The following PATL1 variants were observed in gnomAD, a reference collection of about 807,000 sequenced individuals.
The protein encoded by PATL1 is protein PAT1 homolog 1.
In PATL1, 32 loss-of-function variants were observed where a neutral mutation model predicts 100.6. The observed-to-expected ratio is 0.32, with a 90% CI of 0.24 to 0.43. PATL1 has a LOEUF of 0.43. Ranked by LOEUF, PATL1 falls within the 20% of genes least tolerant of loss-of-function variation. The pLI is 1.00. For synonymous variants in PATL1, 332 were observed against 330.0 expected, an observed-to-expected ratio of 1.01 and a Z score of -0.07; for missense variants, 747 against 949.9, an observed-to-expected ratio of 0.79 and a Z score of 2.81.
chr11:59,650,630 C>A, intron 13 of PATL1, 124 bp downstream of exon 13: 2 of 652,644 alleles, frequency 3.1e-6, no homozygotes. Flanking sequence ...CACTTACCAG[C>A]AATATATTCA....
At position 59,655,735 on chromosome 11, in the gene PATL1, C is replaced by T. The variant is rs1173156744; in HGVS notation, c.819G>A (p.Gln273=). The part of the protein sequence containing the change: ...RAQLLGGAQL[Q]PGRMSPSQFA... ...ACTGGCTGGGAGACATCCGTCCAGG[C>T]TGTAGCTACAAAGAGGAAGAAGATC... Residue 273 remains glutamine, a synonymous_variant, in exon 8 of 19, where the codon CAG becomes CAA. Transcript: ENST00000300146. The T allele has an allele frequency of 1.9e-6, 3 of 1,588,478 alleles. No homozygotes were observed. Among genetic ancestry groups the T allele is most frequent in the African/African-American group, 2.7e-5 (2 of 74,392 alleles).
At position 59,638,083 on chromosome 11, in the gene PATL1, G is replaced by C; in HGVS notation, c.*307C>G. On this transcript the variant is annotated 3_prime_UTR_variant, in exon 19 of 19. Coordinates refer to ENST00000300146, the MANE Select transcript of PATL1 (RefSeq NM_152716.3). ...TGAGGTGGAGTAGTGGAGGGATAAA[G>C]GGAGAGATTACACTTGTGTCTCTAG... 2.5e-6 allele frequency: 1 copy of C among 398,006 alleles called. No individual in the cohort carries two copies. Among genetic ancestry groups the C allele is most frequent in the Non-Finnish European group, 4.6e-6 (1 of 215,396 alleles). 24.7% of individuals were successfully genotyped at this position (398,006 alleles called of 1,614,324 possible).
rs989165561 is a variant in PATL1, at chr11:59,649,453, G to A, written c.1733+9C>T. The A allele has an allele frequency of 7.4e-6, 12 of 1,612,264 alleles. No individual in the cohort carries two copies. The highest frequency in any genetic ancestry group is 2.2e-5 in the East Asian group (1 of 44,872). ...AGTTAATGTTTTCCTCAAACTGCAC[G>A]ATGCTTACCTCTCTTGTCCAGGCAA... On this transcript the variant is annotated intron_variant, in intron 14 of 18. Coordinates refer to ENST00000300146, the MANE Select transcript of PATL1 (RefSeq NM_152716.3).
chr11:59,643,763 AAAT>A (rs1313496995), intron 15 of PATL1, among the ~76,000 whole-genome samples: 2 of 152,172 alleles, frequency 1.3e-5, no homozygotes, highest in Non-Finnish European at 2.9e-5. Context: ...GGAAGAAAAG[AAAT>A]AATTAGCCAA....
chr11:59,667,948 C>T (rs1169273648), intron 1 of PATL1, among the ~76,000 whole-genome samples: 1 of 152,120 alleles, frequency 6.6e-6, no homozygotes, highest in Non-Finnish European at 1.5e-5. Context: ...TGTGATACAC[C>T]TTGCCTGGCT....
intron 15 of PATL1, among the ~76,000 whole-genome samples, chr11:59,645,314 T>G (rs60376847): frequency 7.4e-3 from 3 of 408 alleles, no homozygotes; most frequent in African/African-American, 0.028. Flanking sequence ...CCAGACGGGG[T>G]GGTGGCAGGG....
At chr11:59,655,208 C>T (rs1861510369) in intron 8 of PATL1, among the ~76,000 whole-genome samples, 1 of 152,174 alleles carries the variant, frequency 6.6e-6, no homozygotes, top group Non-Finnish European at 1.5e-5. Context: ...TAATAAAACA[C>T]AACTTCACTG....
At chr11:59,644,341 CA>C (rs1861330908) in intron 15 of PATL1, among the ~76,000 whole-genome samples, 1 of 151,420 alleles carries the variant, frequency 6.6e-6, no homozygotes, top group African/African-American at 2.5e-5. Context: ...GACCATTTCT[CA>C]GGAAAGAATT....
chr11:59,662,449 C>T (rs574631677), intron 2 of PATL1, among the ~76,000 whole-genome samples: 2 of 152,172 alleles, frequency 1.3e-5, no homozygotes, highest in Non-Finnish European at 2.9e-5. Flanking sequence ...CTCTGATAAG[C>T]CTATCCTGAT....
At chr11:59,668,769 TC>T in intron 1 of PATL1, 111 bp downstream of exon 1, 5 of 553,392 alleles carry the variant, frequency 9.0e-6, no homozygotes, top group Admixed American at 6.0e-5. Context: ...GTCCTGCGAC[TC>T]CCCCAGCCCG....
intron 15 of PATL1, among the ~76,000 whole-genome samples, chr11:59,646,080 T>C (rs1861360182): frequency 6.6e-6 from 1 of 152,210 alleles, no homozygotes; most frequent in Non-Finnish European, 1.5e-5. Flanking sequence ...AAATAATGCC[T>C]GGCACATAGA....
rs1173366401 is a variant in PATL1, at chr11:59,656,517, G to C, written c.705C>G (p.Asn235Lys). Reference sequence around the variant, plus strand: ...GACATACCGGGACACTGCAGAGCTGGTTTGGAGACATCCTCTCACCATAGG... The same window carrying C: ...GACATACCGGGACACTGCAGAGCTGCTTTGGAGACATCCTCTCACCATAGG... ...PAPYGERMSPNQLCSVPNSSL... is the reference protein window; with the variant it reads ...PAPYGERMSPKQLCSVPNSSL... Residue 235 changes from asparagine (N) to lysine (K), a missense_variant, in exon 6 of 19, where the codon AAC (asparagine) becomes AAG (lysine). Around this residue, in one of 4 missense-constraint regions of PATL1, gnomAD observed 127 missense variants for 116.0 expected, o/e 1.09. Transcript: ENST00000300146. 4.3e-6 allele frequency: 7 copies of C among 1,613,884 alleles called. No homozygotes were observed. Among genetic ancestry groups the C allele is most frequent in the Non-Finnish European group, 4.2e-6 (5 of 1,179,790 alleles).
Position 59,668,943 on chromosome 11 carries a change from G to T in PATL1, c.-48C>A. 2.6e-6 allele frequency: 1 copy of T among 377,846 alleles called. No homozygotes were observed. The allele number at this position is 377,846 out of a possible 1,614,324, so 23.4% of individuals were successfully genotyped here. The stretch of plus-strand genomic sequence containing the variant: ...CGGGGAGGGGAGAGGGGGAGGGAGG[G>T]AAGAAGCGCTGACTCCCCGGCTCCT... On this transcript the variant is annotated 5_prime_UTR_variant, in exon 1 of 19. Coordinates refer to ENST00000300146, the MANE Select transcript of PATL1 (RefSeq NM_152716.3).
At chr11:59,639,996 T>G (rs1050110656) in intron 16 of PATL1, 2 of 152,360 alleles carry the variant, frequency 1.3e-5, no homozygotes, top group African/African-American at 4.8e-5. Context: ...GGTAAACAGA[T>G]GTATACACCG....
chr11:59,644,891 T>TC (rs1491119322), intron 15 of PATL1, among the ~76,000 whole-genome samples: 2 of 5,564 alleles, frequency 3.6e-4, no homozygotes, highest in African/African-American at 5.2e-4. Context: ...CTTCGTTTCC[T>TC]TTTTTTTTTT....
At chr11:59,644,224 T>C (rs1166371765) in intron 15 of PATL1, among the ~76,000 whole-genome samples, 1 of 152,244 alleles carries the variant, frequency 6.6e-6, no homozygotes, top group African/African-American at 2.4e-5. Context: ...TAAATCTATG[T>C]TCCTTCTGTA....
rs1390041091 is a variant in PATL1 at position 59,642,896 on chromosome 11, G to A, written c.2033C>T (p.Ala678Val). Residue 678 changes from alanine (A) to valine (V), a missense_variant, in exon 16 of 19, where the codon GCT becomes GTT. By Grantham distance (64) the Ala-to-Val change is moderately conservative. This residue lies in a region of PATL1 where 434 missense variants were observed against 596.1 expected (regional missense o/e 0.73). Coordinates refer to ENST00000300146, the MANE Select transcript of PATL1 (RefSeq NM_152716.3). ...TPALSNPHLT[A>V]VLQNKFGLSL... is the part of the protein sequence containing the mutation. Reference sequence around the variant, plus strand: ...CAAGATCACCTTGTTCTGGAGCACAGCAGTGAGGTGAGGATTGGAGAGTGC... The same window carrying A: ...CAAGATCACCTTGTTCTGGAGCACAACAGTGAGGTGAGGATTGGAGAGTGC... The A allele has an allele frequency of 6.8e-6, 11 of 1,613,714 alleles. No homozygotes were observed. Among genetic ancestry groups the A allele is most frequent in the Admixed American group, 5.0e-5 (3 of 59,986 alleles).
At chr11:59,658,393 CT>C (rs1861571388) in intron 4 of PATL1, among the ~76,000 whole-genome samples, 1 of 151,782 alleles carries the variant, frequency 6.6e-6, no homozygotes, top group African/African-American at 2.4e-5. Flanking sequence ...TCTTGCCTTA[CT>C]ACAACTTCCG....
chr11:59,646,105 T>C (rs1483160943), intron 15 of PATL1, among the ~76,000 whole-genome samples: 2 of 152,180 alleles, frequency 1.3e-5, no homozygotes, highest in Non-Finnish European at 2.9e-5. Context: ...TTCAGCAAAT[T>C]ATCTCCCAAA....
Sources: allele counts gnomAD v4.1 joint callset (sites outside exome capture counted in the v4.1 genomes callset), GRCh38; gene constraint gnomAD v4.1.1; regional missense constraint gnomAD v4.1.1; transcripts MANE v1.5; gene names NCBI Gene and HGNC (gene_info 2026-07-23, HGNC 2026-07-21).